The following ABI3BP variants were observed in gnomAD, a reference collection of about 807,000 sequenced individuals.
ABI3BP encodes ABI family member 3 binding protein.
In ABI3BP, 216 loss-of-function variants were observed where a neutral mutation model predicts 268.6. That is an observed-to-expected ratio of 0.80 (90% CI 0.72 to 0.90). ABI3BP has a LOEUF of 0.90. Ranked by LOEUF, ABI3BP falls within the 40% of genes least tolerant of loss-of-function variation. The probability of loss-of-function intolerance (pLI) is 0.00; values close to 1 mark genes in which losing one functional copy is unlikely to be tolerated. For synonymous variants in ABI3BP, 730 were observed against 730.0 expected (o/e 1.00, Z 0.00); for missense variants, 2,090 against 2,182.4 (o/e 0.96, Z 0.84).
chr3:100,910,695 A>T (rs769518693), intron 2 of ABI3BP, among the ~76,000 whole-genome samples: 1 of 152,116 alleles, frequency 6.6e-6, no homozygotes, highest in Non-Finnish European at 1.5e-5. Flanking sequence ...AGTTATAAAG[A>T]ATGTGTCAGT....
intron 2 of ABI3BP, among the ~76,000 whole-genome samples, chr3:100,903,357 CAAT>C (rs1008287651): frequency 3.9e-5 from 6 of 152,112 alleles, no homozygotes; most frequent in African/African-American, 1.4e-4. Context: ...TATGCTAACT[CAAT>C]AAGGAGCTAA....
At chr3:100,768,225 G>A (rs896817873) in intron 62 of ABI3BP, among the ~76,000 whole-genome samples, 9 of 151,718 alleles carry the variant, frequency 5.9e-5, no homozygotes, top group Middle Eastern at 3.4e-3. Context: ...AGTAGCTGGG[G>A]CTACAGGCGC....
intron 6 of ABI3BP, among the ~76,000 whole-genome samples, chr3:100,879,869 C>T (rs375794522): frequency 6.6e-6 from 1 of 152,174 alleles, no homozygotes; most frequent in East Asian, 1.9e-4. Flanking sequence ...TCAGGAAAGT[C>T]CTGTGGCTCA....
chr3:100,841,876 C>G (rs558354913), intron 21 of ABI3BP, 122 bp downstream of exon 21: 3 of 819,488 alleles, frequency 3.7e-6, no homozygotes, highest in Non-Finnish European at 3.6e-6. Flanking sequence ...GGCAAAAAAA[C>G]GAGAGTGAAA....
chr3:100,894,957 A>AAAAAAAAAAAAAAAAAAAAAG (rs2046821114), intron 4 of ABI3BP, among the ~76,000 whole-genome samples: 1 of 143,442 alleles, frequency 7.0e-6, no homozygotes, highest in Non-Finnish European at 1.5e-5. Context: ...AAAAAAAAAA[A>AAAAAAAAAAAAAAAAAAAAAG]AAAAAAAAAA....
At chr3:100,824,731 G>T (rs2098334624) in intron 36 of ABI3BP, 127 bp downstream of exon 36, 3 of 684,068 alleles carry the variant, frequency 4.4e-6, no homozygotes, top group Middle Eastern at 3.6e-4. Context: ...AGATGGTACT[G>T]ATGATGCCTT....
In ABI3BP at chr3:100,803,425, T is replaced by C. The variant is rs1304571407; in HGVS notation, c.3757+1367A>G. On this transcript the variant is annotated intron_variant, in intron 51 of 67. Coordinates refer to ENST00000471714, the MANE Select transcript of ABI3BP (RefSeq NM_001375547.2). ...GAGAAGGACTAGCTAACAGAGAAGA[T>C]TTTAAAATATATACCTTAAAAATAA... Among the ~76,000 whole-genome samples the C allele has an allele frequency of 4.1e-5, 6 of 144,796 alleles. 1 individual carries two copies. Among genetic ancestry groups the C allele is most frequent in the Non-Finnish European group, 9.4e-5 (6 of 63,866 alleles). The allele number at this position is 144,796 out of a possible 152,430, so 95.0% of individuals were successfully genotyped here. A position where few individuals can be genotyped will look rare whatever the true frequency, so the allele number is the denominator to read the frequency against.
chr3:100,839,477 G>A (rs891315342), intron 24 of ABI3BP, 92 bp downstream of exon 24: 1 of 1,283,186 alleles, frequency 7.8e-7, no homozygotes. Context: ...CTGTGATGAG[G>A]TGGTGGAACT....
At chr3:100,977,661 C>T (rs1186689084) in intron 1 of ABI3BP, among the ~76,000 whole-genome samples, 1 of 152,150 alleles carries the variant, frequency 6.6e-6, no homozygotes, top group Admixed American at 6.6e-5. Flanking sequence ...TATGATTTAG[C>T]CTCTGAAAGT....
At chr3:100,970,661 T>C (rs2153874629) in intron 1 of ABI3BP, among the ~76,000 whole-genome samples, 1 of 152,340 alleles carries the variant, frequency 6.6e-6, no homozygotes, top group East Asian at 1.9e-4. Context: ...GGCGGTCAAG[T>C]GGCAGCACGA....
chr3:100,862,592 G>C (rs1172953564), intron 13 of ABI3BP: 1 of 577,606 alleles, frequency 1.7e-6, no homozygotes, highest in Non-Finnish European at 3.0e-6. Context: ...ACCAGAGTTT[G>C]GTGTCAGACT....
In ABI3BP at chr3:100,774,727, T is replaced by C. The variant is rs191891066; in HGVS notation, c.4463-54A>G. 1.4e-5 allele frequency: 19 copies of C among 1,341,778 alleles called. No individual in the cohort carries two copies. In the African/African-American group the frequency reaches 1.8e-4, roughly 13 times the overall value. 83.1% of individuals were successfully genotyped at this position (1,341,778 alleles called of 1,614,324 possible). On this transcript the variant is annotated intron_variant, in intron 60 of 67. Coordinates refer to ENST00000471714, the MANE Select transcript of ABI3BP (RefSeq NM_001375547.2). ...GGCAAAAGATAAAAAAGCTTCACAA[T>C]ACAATGAAAAAGTTGTAGACTAAAG... is the stretch of plus-strand genomic sequence containing the variant.
intron 4 of ABI3BP, among the ~76,000 whole-genome samples, chr3:100,887,314 A>G (rs1260655736): frequency 6.6e-6 from 1 of 152,098 alleles, no homozygotes; most frequent in African/African-American, 2.4e-5. Context: ...TAGAAACAAA[A>G]TATCAAATAA....
At chr3:100,916,456 C>T (rs1450262797) in intron 2 of ABI3BP, among the ~76,000 whole-genome samples, 7 of 152,132 alleles carry the variant, frequency 4.6e-5, no homozygotes, top group African/African-American at 1.4e-4. Context: ...GAGAAAAGCA[C>T]GTTGGCATGG....
chr3:100,807,464 T>G (rs1560286972), intron 50 of ABI3BP, among the ~76,000 whole-genome samples: 1 of 152,040 alleles, frequency 6.6e-6, no homozygotes, highest in Admixed American at 6.6e-5. Context: ...TTTAAAATTA[T>G]GCTAAATAAG....
chr3:100,887,993 A>G (rs538196372), intron 4 of ABI3BP, among the ~76,000 whole-genome samples: 3 of 152,228 alleles, frequency 2.0e-5, no homozygotes, highest in Non-Finnish European at 4.4e-5. Context: ...TCTGGTGCAC[A>G]GGTAGTATGC....
At position 100,796,416 on chromosome 3, in the gene ABI3BP, G is replaced by A. The variant is rs756163529; in HGVS notation, c.3810C>T (p.Ser1270=). 5.7e-6 allele frequency: 9 copies of A among 1,590,792 alleles called. No homozygotes were observed. Among genetic ancestry groups the A allele is most frequent in the African/African-American group, 5.4e-5 (4 of 73,772 alleles). ...ATGAAATAATTAATTTACCAGGTTC[G>A]CTCTGAGAGACCTCAGGGTATGGTT... ...PHKPYPEVSQ[S]EPVLQPVTFR... Residue 1270 remains serine, a synonymous_variant, in exon 52 of 68, where the codon AGC becomes AGT. Coordinates refer to ENST00000471714, the MANE Select transcript of ABI3BP (RefSeq NM_001375547.2).
In ABI3BP at chr3:100,817,435, C is replaced by T; in HGVS notation, c.3148+1G>A. The T allele has an allele frequency of 6.6e-7, 1 of 1,508,042 alleles. No individual in the cohort carries two copies. Among genetic ancestry groups the T allele is most frequent in the Non-Finnish European group, 8.9e-7 (1 of 1,128,234 alleles). The allele number at this position is 1,508,042 out of a possible 1,614,324, so 93.4% of individuals were successfully genotyped here. A position where few individuals can be genotyped will look rare whatever the true frequency, so the allele number is the denominator to read the frequency against. On this transcript the variant is annotated splice_donor_variant, in intron 42 of 67. Transcript: ENST00000471714. LOFTEE classifies it high-confidence loss of function. ...TATTCAGGAACACAGAATATCATTACCTAACGTTGTTTCTGGAAACTTGGT... is the reference window on the plus strand; with the variant it reads ...TATTCAGGAACACAGAATATCATTATCTAACGTTGTTTCTGGAAACTTGGT...
chr3:100,972,955 C>G (rs2084369008), intron 1 of ABI3BP, among the ~76,000 whole-genome samples: 1 of 152,162 alleles, frequency 6.6e-6, no homozygotes, highest in African/African-American at 2.4e-5. Context: ...TGAGGTTGAA[C>G]AAGGTGATGC....
Sources: allele counts gnomAD v4.1 joint callset (sites outside exome capture counted in the v4.1 genomes callset), GRCh38; gene constraint gnomAD v4.1.1; transcripts MANE v1.5; gene names NCBI Gene and HGNC (gene_info 2026-07-23, HGNC 2026-07-21).